Variants in VRK1 observed in about 807,000 individuals in gnomAD.
VRK1 encodes VRK serine/threonine kinase 1.
A neutral mutation model predicts 57.1 loss-of-function variants in VRK1; 33 were observed. The observed-to-expected ratio is 0.58, with a 90% confidence interval of 0.44 to 0.77. The LOEUF is 0.77. VRK1 is among the 30% of genes least tolerant of loss of function. VRK1 has a pLI of 0.00. For missense variants in VRK1, 413 were observed against 477.3 expected, an observed-to-expected ratio of 0.87 and a Z score of 1.25; for synonymous variants, 137 against 147.8, an observed-to-expected ratio of 0.93 and a Z score of 0.53.
intron 12 of VRK1, among the ~76,000 whole-genome samples, chr14:96,877,143 G>A (rs1889072972): frequency 6.7e-6 from 1 of 149,592 alleles, no homozygotes; most frequent in South Asian, 2.1e-4. Flanking sequence ...CTTATTTTTG[G>A]TTAAAAAAAA....
At chr14:96,872,713 T>A (rs2139839868) in intron 11 of VRK1, among the ~76,000 whole-genome samples, 1 of 152,346 alleles carries the variant, frequency 6.6e-6, no homozygotes, top group East Asian at 1.9e-4. Flanking sequence ...GCTTCAGTTT[T>A]TTCTGTGTAT....
chr14:96,849,188 T>C (rs1887845079), intron 5 of VRK1, among the ~76,000 whole-genome samples: 1 of 152,120 alleles, frequency 6.6e-6, no homozygotes, highest in Admixed American at 6.5e-5. Context: ...AAAGTGGCAT[T>C]TGGGAAATGG....
chr14:96,871,037 A>G (rs1888801567), intron 11 of VRK1, among the ~76,000 whole-genome samples: 2 of 152,204 alleles, frequency 1.3e-5, no homozygotes, highest in Admixed American at 1.3e-4. Context: ...TCCTCCATTT[A>G]TTCTGACAAA....
At chr14:96,868,747 A>G (rs75343165) in intron 11 of VRK1, among the ~76,000 whole-genome samples, 1 of 150,648 alleles carries the variant, frequency 6.6e-6, no homozygotes. Context: ...ATATTATTAG[A>G]TTTATTTTTC....
chr14:96,805,140 G>T (rs771606742), intron 1 of VRK1, among the ~76,000 whole-genome samples: 1 of 152,186 alleles, frequency 6.6e-6, no homozygotes, highest in Admixed American at 6.5e-5. Context: ...AGACTCAGGG[G>T]TTATTTAATC....
chr14:96,806,055 C>G (rs930286890), intron 1 of VRK1, among the ~76,000 whole-genome samples: 7 of 146,264 alleles, frequency 4.8e-5, no homozygotes, highest in Non-Finnish European at 1.0e-4. Context: ...TTAAAACTAT[C>G]ATTGCTTGGC....
At position 96,855,799 on chromosome 14, in the gene VRK1, G is replaced by A. The variant is rs61981026; in HGVS notation, c.710-331G>A. ...AAGAACTCAAATACCCAGTTCTCTGGGCCTCTTAATAGCATATAAAAATTT... is the reference window on the plus strand; with the variant it reads ...AAGAACTCAAATACCCAGTTCTCTGAGCCTCTTAATAGCATATAAAAATTT... On this transcript the variant is annotated intron_variant, in intron 8 of 12. Transcript: ENST00000216639. Among the ~76,000 whole-genome samples, 28,134 of 151,940 alleles carry A rather than the reference G, an allele frequency of 0.19. 3,304 individuals are homozygous for A. Among genetic ancestry groups the A allele is most frequent in the Non-Finnish European group, 0.26 (17,661 of 67,932 alleles).
intron 5 of VRK1, 21 bp from the exon 6 acceptor site, chr14:96,852,810 G>A (rs745973904): frequency 9.4e-6 from 15 of 1,598,896 alleles, no homozygotes; most frequent in Middle Eastern, 1.7e-4. Context: ...TTGTTCATTG[G>A]CTTTTCATAT....
At chr14:96,835,941 C>CATCCTGTTTAAACCTCTCTGATG (rs1340398648) in intron 2 of VRK1, among the ~76,000 whole-genome samples, 1 of 152,126 alleles carries the variant, frequency 6.6e-6, no homozygotes, top group Non-Finnish European at 1.5e-5. Context: ...ATAATACGAT[C>CATCCTGTTTAAACCTCTCTGATG]ATCCTGTTTA....
intron 12 of VRK1, among the ~76,000 whole-genome samples, chr14:96,876,327 G>A (rs577628715): frequency 6.6e-6 from 1 of 152,222 alleles, no homozygotes; most frequent in South Asian, 2.1e-4. Context: ...AGACTGGGAA[G>A]CTTCCTTCAT....
chr14:96,841,596 G>C (rs924778472), intron 3 of VRK1, among the ~76,000 whole-genome samples: 1 of 152,140 alleles, frequency 6.6e-6, no homozygotes, highest in African/African-American at 2.4e-5. Flanking sequence ...GGTGGCTCAC[G>C]ATCATAATCC....
At chr14:96,829,814 T>G (rs1886938587) in intron 1 of VRK1, among the ~76,000 whole-genome samples, 1 of 152,160 alleles carries the variant, frequency 6.6e-6, no homozygotes. Context: ...TTTATAACCC[T>G]TGTTGAGTCT....
chr14:96,868,138 G>C (rs1022515246), intron 11 of VRK1, among the ~76,000 whole-genome samples: 1 of 152,174 alleles, frequency 6.6e-6, no homozygotes, highest in African/African-American at 2.4e-5. Context: ...TCAGAAATGA[G>C]TGAAATTTGT....
In VRK1 at chr14:96,863,789, T is replaced by C. The variant is rs768977520; in HGVS notation, c.1068+3054T>C. 3.7e-4 allele frequency among the ~76,000 whole-genome samples: 56 copies of C among 152,298 alleles called. No individual in the cohort carries two copies. In the Middle Eastern group the frequency reaches 0.024, roughly 65 times the overall value. On this transcript the variant is annotated intron_variant, in intron 11 of 12. Coordinates refer to ENST00000216639, the MANE Select transcript of VRK1 (RefSeq NM_003384.3). ...TTCTAGAGTTTCTCTTATTTAACCA[T>C]TGTTAAATAAACCCTTGCTGGCATT... is the stretch of plus-strand genomic sequence containing the variant.
At chr14:96,833,363 T>C in intron 1 of VRK1, 104 bp from the exon 2 acceptor site, 2 of 1,342,492 alleles carry the variant, frequency 1.5e-6, no homozygotes, top group African/African-American at 1.5e-5. Flanking sequence ...TTGGAGTAAG[T>C]AGGAATTTGA....
At chr14:96,869,051 C>A (rs1442728815) in intron 11 of VRK1, among the ~76,000 whole-genome samples, 2 of 152,130 alleles carry the variant, frequency 1.3e-5, no homozygotes, top group Non-Finnish European at 2.9e-5. Context: ...CCTCAGCCTA[C>A]CTAAGTGCTG....
intron 1 of VRK1, among the ~76,000 whole-genome samples, chr14:96,802,882 T>G (rs986243856): frequency 6.6e-6 from 1 of 152,236 alleles, no homozygotes; most frequent in African/African-American, 2.4e-5. Flanking sequence ...CTATGAACAT[T>G]AATGTACAGG....
intron 1 of VRK1, among the ~76,000 whole-genome samples, chr14:96,819,566 CATT>C (rs1886518820): frequency 6.6e-6 from 1 of 152,106 alleles, no homozygotes; most frequent in South Asian, 2.1e-4. Flanking sequence ...AATTTTAAAT[CATT>C]ATAACTAGGC....
chr14:96,798,934 G>A (rs1413996429), intron 1 of VRK1, among the ~76,000 whole-genome samples: 2 of 152,186 alleles, frequency 1.3e-5, no homozygotes, highest in African/African-American at 4.8e-5. Flanking sequence ...ACCACAGATG[G>A]TATTCTCTAC....
Sources: gnomAD v4.1 joint callset for allele counts (sites outside exome capture counted in the v4.1 genomes callset) on GRCh38, gnomAD v4.1.1 for gene constraint, MANE v1.5 for transcripts, NCBI Gene and HGNC (gene_info 2026-07-23, HGNC 2026-07-21) for gene names.